MYL3: variants seen among roughly 807,000 people sequenced by gnomAD.
MYL3 encodes CMLC1.
In MYL3, 11 loss-of-function variants were observed where a neutral mutation model predicts 21.3. That is an observed-to-expected ratio of 0.52 (90% CI 0.32 to 0.85). The LOEUF is 0.85. MYL3 is among the 40% of genes least tolerant of loss of function. The pLI, the probability that MYL3 is intolerant of heterozygous loss-of-function variation, is 0.03. For synonymous variants in MYL3, 88 were observed against 91.6 expected (o/e 0.96, Z 0.22); for missense variants, 206 against 253.3 (o/e 0.81, Z 1.27).
Position 46,859,367 on chromosome 3 carries a change from G to A in MYL3, c.481+108C>T, listed in dbSNP as rs2233266. On this transcript the variant is annotated intron_variant, in intron 4 of 6. Transcript: ENST00000292327. The surrounding 1 kb of genome is among the most constrained non-coding windows in gnomAD (Gnocchi z 4.1). ...TCTGCCATTGAGGCTCCCTAATTAT[G>A]TAACTCTCTCCATTTCACCAATGGG... 1,451 of 1,425,258 alleles carry A rather than the reference G, an allele frequency of 1.0e-3. 11 individuals are homozygous for A. In the African/African-American group the frequency reaches 0.018, roughly 18 times the overall value. 88.3% of individuals were successfully genotyped at this position (1,425,258 alleles called of 1,614,324 possible). A position where few individuals can be genotyped will look rare whatever the true frequency, so the allele number is the denominator to read the frequency against.
In MYL3 at chr3:46,860,771, ATCT is replaced by A. The variant is rs768447523; in HGVS notation, c.209_211del (p.Lys70del). The A allele has an allele frequency of 6.2e-7, 1 of 1,614,072 alleles. No individual in the cohort carries two copies. The highest frequency in any genetic ancestry group is 8.5e-7 in the Non-Finnish European group (1 of 1,180,006). ...GACATCCCCACACTGCCCGTAGGTG[ATCT>A]TCATCTCACACTTGGGTGTGCGGTC... On this transcript the variant is annotated inframe_deletion, in exon 3 of 7. Transcript: ENST00000292327. The surrounding 1 kb of genome is among the most constrained non-coding windows in gnomAD (Gnocchi z 4.6).
rs1201282795 is a variant in MYL3 at position 46,874,675 on chromosome 3, G to A, written c.-218+7399C>T. ...GCAGCAGCGGGAGCCCATGCAGGGA[G>A]AGGCGGAAACACGTGTCAAACACGC... is the stretch of plus-strand genomic sequence containing the variant. On this transcript the variant is annotated intron_variant, in intron 1 of 3. Coordinates refer to the MYL3 transcript ENST00000431168. The surrounding 1 kb of genome is among the most constrained non-coding windows in gnomAD (Gnocchi z 4.1). 1.3e-5 allele frequency among the ~76,000 whole-genome samples: 2 copies of A among 152,222 alleles called. No homozygotes were observed.
chr3:46,874,639 G>A lies in MYL3; in HGVS notation c.-218+7435C>T, dbSNP rs1042245092. ...TTTGCAGTCGGCAGGAGCTCTTAAA[G>A]GTTATAAATAGCAGCAGCGGGAGCC... On this transcript the variant is annotated intron_variant, in intron 1 of 3. Coordinates refer to the MYL3 transcript ENST00000431168. The surrounding 1 kb of genome is among the most constrained non-coding windows in gnomAD (Gnocchi z 4.1). Among the ~76,000 whole-genome samples, 1 of 152,190 alleles carries A rather than the reference G, an allele frequency of 6.6e-6. No individual in the cohort carries two copies. The highest frequency in any genetic ancestry group is 2.4e-5 in the African/African-American group (1 of 41,440).
intron 1 of MYL3, among the ~76,000 whole-genome samples, chr3:46,880,597 C>T (rs193277084): frequency 1.0e-3 from 158 of 152,208 alleles, no homozygotes; most frequent in Non-Finnish European, 1.7e-3. Context: ...AAAAATTAGC[C>T]AGGTTGGTGG....
intron 4 of MYL3, 34 bp from the exon 5 acceptor site, chr3:46,858,495 C>A (rs371467594): frequency 1.3e-6 from 2 of 1,599,482 alleles, no homozygotes; most frequent in African/African-American, 1.3e-5. Flanking sequence ...CAGCACCGTG[C>A]GTGCAGAGGC....
At position 46,860,315 on chromosome 3, in the gene MYL3, A is replaced by C. The variant is rs1701977298; in HGVS notation, c.307+361T>G. Among the ~76,000 whole-genome samples, 1 of 151,986 alleles carries C rather than the reference A, an allele frequency of 6.6e-6. No individual in the cohort carries two copies. Among genetic ancestry groups the C allele is most frequent in the Non-Finnish European group, 1.5e-5 (1 of 67,994 alleles). ...AGCTAAATTTTTAATTTTTGTAGAG[A>C]TAGAATCTCACTATGTTACCCAGGC... On this transcript the variant is annotated intron_variant, in intron 3 of 6. Transcript: ENST00000292327. The surrounding 1 kb of genome is among the most constrained non-coding windows in gnomAD (Gnocchi z 4.6).
intron 1 of MYL3, among the ~76,000 whole-genome samples, chr3:46,875,946 C>A (rs1217438556): frequency 6.6e-6 from 1 of 152,250 alleles, no homozygotes; most frequent in Non-Finnish European, 1.5e-5. Context: ...GACCAAAATA[C>A]AACTTCCTGT....
chr3:46,870,186 G>A (rs559889438), intron 1 of MYL3, among the ~76,000 whole-genome samples: 6 of 151,924 alleles, frequency 3.9e-5, no homozygotes, highest in South Asian at 2.1e-4. Context: ...CCCTCACCCC[G>A]GCTCCCAGCC....
In MYL3 at chr3:46,858,441, C is replaced by T. The variant is rs1376871183; in HGVS notation, c.502G>A (p.Glu168Lys). The T allele has an allele frequency of 9.3e-6, 15 of 1,613,604 alleles. No individual in the cohort carries two copies. Among genetic ancestry groups the T allele is most frequent in the Non-Finnish European group, 1.3e-5 (15 of 1,180,020 alleles). ...TGCCCAGCCATCAACTTCTCCACTTCGTCTTCTGTCAGCCTCTCACCTGGC... is the reference window on the plus strand; with the variant it reads ...TGCCCAGCCATCAACTTCTCCACTTTGTCTTCTGTCAGCCTCTCACCTGGC... ...ATLGERLTED[E>K]VEKLMAGQED... is the part of the protein sequence containing the mutation. Residue 168 changes from glutamate to lysine, a missense_variant, in exon 5 of 7, where the codon GAA becomes AAA. Physicochemically the swap from Glu to Lys is moderately conservative, Grantham distance 56. Coordinates refer to ENST00000292327, the MANE Select transcript of MYL3 (RefSeq NM_000258.3).
chr3:46,863,199 G>C (rs937006355), intron 1 of MYL3, 63 bp downstream of exon 1: 20 of 1,609,590 alleles, frequency 1.2e-5, no homozygotes, highest in Non-Finnish European at 2.5e-6. Flanking sequence ...CTCTTGCTAG[G>C]TCCACTCTGG....
intron 1 of MYL3, among the ~76,000 whole-genome samples, chr3:46,878,258 G>A (rs887441623): frequency 5.3e-5 from 8 of 152,206 alleles, no homozygotes; most frequent in African/African-American, 1.9e-4. Flanking sequence ...ATGAGCAGCC[G>A]AAATGGCTGT....
upstream of MYL3, among the ~76,000 whole-genome samples, chr3:46,865,318 A>T (rs563924174): frequency 4.2e-4 from 63 of 150,464 alleles, no homozygotes; most frequent in African/African-American, 1.5e-3. The surrounding 1 kb of genome is among the most constrained non-coding windows in gnomAD (Gnocchi z 4.3). Context: ...GTTTGGCAAC[A>T]GTATTGAGAA....
Position 46,860,751 on chromosome 3 carries a change from C to A in MYL3, c.232G>T (p.Asp78Tyr). The A allele has an allele frequency of 1.2e-6, 2 of 1,614,144 alleles. No individual in the cohort carries two copies. Among genetic ancestry groups the A allele is most frequent in the Non-Finnish European group, 1.7e-6 (2 of 1,180,018 alleles). ...TTCTGGCCCAGCGCCCGCAGGACAT[C>A]CCCACACTGCCCGTAGGTGATCTTC... ...EMKITYGQCGDVLRALGQNPT... is the reference protein window; with the variant it reads ...EMKITYGQCGYVLRALGQNPT... Residue 78 changes from aspartate (D) to tyrosine (Y), a missense_variant, in exon 3 of 7, where the codon GAT (aspartate) becomes TAT (tyrosine). Transcript: ENST00000292327. This position sits in a 1 kb window ranked among gnomAD's most constrained non-coding sequence, Gnocchi z 4.6.
intron 6 of MYL3, 23 bp from the exon 7 acceptor site, chr3:46,858,124 T>C (rs746833285): frequency 1.5e-6 from 2 of 1,314,940 alleles, no homozygotes; most frequent in South Asian, 2.4e-5. Flanking sequence ...GCAGTGCAGA[T>C]TACAGAGGAG....
chr3:46,881,979 C>CT (rs1239977653), intron 1 of MYL3: 1 of 152,340 alleles, frequency 6.6e-6, no homozygotes, highest in East Asian at 1.9e-4. Context: ...AAAGCCCGTG[C>CT]TTTCCAGAAG....
At chr3:46,863,136 T>C (rs918360580) in intron 1 of MYL3, 126 bp downstream of exon 1, 2 of 1,432,614 alleles carry the variant, frequency 1.4e-6, no homozygotes, top group South Asian at 1.2e-5. Flanking sequence ...GTCTGACCTC[T>C]GCACAGAAGC....
At chr3:46,863,533 A>AGGCT, upstream of MYL3, 6 of 862,392 alleles carry the variant, frequency 7.0e-6, no homozygotes, top group Non-Finnish European at 1.1e-5. Context: ...GGACAGGGCC[A>AGGCT]TAAAAGGATA....
rs138567316 is a variant in MYL3 at position 46,863,355 on chromosome 3, A to C, written c.36T>G (p.Asp12Glu). The C allele has an allele frequency of 3.1e-6, 5 of 1,613,786 alleles. No individual in the cohort carries two copies. The highest frequency in any genetic ancestry group is 1.3e-5 in the African/African-American group (1 of 74,940). The change falls in exon 1 of 7, where the codon GAT (aspartate) becomes GAG (glutamate). Residue 12 changes from aspartate (D) to glutamate (E), a missense_variant. By Grantham distance (45) the Asp-to-Glu change is conservative (BLOSUM62 2). Transcript: ENST00000292327. ...APKKPEPKKD[D>E]AKAAPKAAPA... The stretch of plus-strand genomic sequence containing the variant: ...GAGCTGCCTTGGGGGCTGCCTTGGC[A>C]TCATCCTTCTTGGGCTCTGGCTTTT...
chr3:46,877,382 A>G (rs1293971674), intron 1 of MYL3, among the ~76,000 whole-genome samples: 2 of 152,314 alleles, frequency 1.3e-5, no homozygotes, highest in East Asian at 3.9e-4. Flanking sequence ...ACCTCGTGGC[A>G]GCCTGATATT....
Sources: gnomAD v4.1 joint callset for allele counts (sites outside exome capture counted in the v4.1 genomes callset) on GRCh38, gnomAD v4.1.1 for gene constraint, Gnocchi (gnomAD v3.1) non-coding constraint, MANE v1.5 for transcripts, NCBI Gene and HGNC (gene_info 2026-07-23, HGNC 2026-07-21) for gene names.